RTKN2: variants seen among roughly 807,000 people sequenced by gnomAD.
RTKN2 encodes the protein rhotekin 2, also known as rhotekin-2.
A neutral mutation model predicts 71.5 loss-of-function variants in RTKN2; 69 were observed. The observed-to-expected ratio is 0.96, with a 90% confidence interval of 0.79 to 1.18. The LOEUF is 1.18. Among genes scored for constraint, RTKN2 ranks in the 50% most tolerant of loss-of-function variants. The pLI, the probability that RTKN2 is intolerant of heterozygous loss-of-function variation, is 0.00. For missense variants in RTKN2, 724 were observed against 719.7 expected, an observed-to-expected ratio of 1.01 and a Z score of -0.07; for synonymous variants, 236 against 236.5, an observed-to-expected ratio of 1.00 and a Z score of 0.02.
intron 6 of RTKN2, among the ~76,000 whole-genome samples, chr10:62,223,540 T>C (rs944073535): frequency 6.6e-6 from 1 of 152,172 alleles, no homozygotes; most frequent in African/African-American, 2.4e-5. Context: ...CTATTTCTCT[T>C]TTGTTGACAA....
chr10:62,227,150 C>T (rs558620067), intron 6 of RTKN2, among the ~76,000 whole-genome samples: 11 of 152,108 alleles, frequency 7.2e-5, no homozygotes, highest in African/African-American at 2.7e-4. Context: ...CAACAATCAA[C>T]GAAATAGGGG....
intron 11 of RTKN2, among the ~76,000 whole-genome samples, 190 bp downstream of exon 11, chr10:62,199,564 C>T (rs1019684351): frequency 2.6e-5 from 4 of 152,126 alleles, no homozygotes; most frequent in African/African-American, 4.8e-5. Flanking sequence ...TATGAAAAAA[C>T]GTGTATTCAT....
chr10:62,193,224 A>G lies in RTKN2; in HGVS notation c.*4684T>C, dbSNP rs2132769826. ...TTTCAACAAAACAATTTATTTTGAT[A>G]TCTTGAACCATCTGACATAATTATG... On this transcript the variant is annotated 3_prime_UTR_variant, in exon 12 of 12. Transcript: ENST00000373789. 1 of 907,362 alleles carries G rather than the reference A, an allele frequency of 1.1e-6. No individual in the cohort carries two copies. Among genetic ancestry groups the G allele is most frequent in the Middle Eastern group, 5.7e-4 (1 of 1,762 alleles). 56.2% of individuals were successfully genotyped at this position (907,362 alleles called of 1,614,324 possible). A position where few individuals can be genotyped will look rare whatever the true frequency, so the allele number is the denominator to read the frequency against.
intron 2 of RTKN2, among the ~76,000 whole-genome samples, chr10:62,259,454 T>C (rs1487240385): frequency 6.6e-6 from 1 of 152,228 alleles, no homozygotes; most frequent in East Asian, 1.9e-4. Flanking sequence ...TCTTGCTTCC[T>C]CCTTCCTTTT....
At chr10:62,249,825 G>A in intron 2 of RTKN2, among the ~76,000 whole-genome samples, 1 of 152,096 alleles carries the variant, frequency 6.6e-6, no homozygotes, top group African/African-American at 2.4e-5. Context: ...TACTTTCTGA[G>A]TATTTATATT....
At chr10:62,203,589 C>T (rs913185373) in intron 10 of RTKN2, among the ~76,000 whole-genome samples, 13 of 152,220 alleles carry the variant, frequency 8.5e-5, no homozygotes, top group Admixed American at 3.3e-4. Flanking sequence ...AGGTGATCCG[C>T]CTGCCTCGGC....
At chr10:62,258,962 G>A (rs1404782808) in intron 2 of RTKN2, among the ~76,000 whole-genome samples, 1 of 152,080 alleles carries the variant, frequency 6.6e-6, no homozygotes, top group African/African-American at 2.4e-5. Context: ...CTTTAAAAGA[G>A]GTTTATATCT....
At chr10:62,235,767 A>G (rs1842244869) in intron 6 of RTKN2, among the ~76,000 whole-genome samples, 1 of 151,988 alleles carries the variant, frequency 6.6e-6, no homozygotes, top group Admixed American at 6.6e-5. Context: ...ATGTATATAC[A>G]AATATTCCAA....
chr10:62,211,909 C>T (rs1395825952), intron 9 of RTKN2, among the ~76,000 whole-genome samples: 2 of 152,038 alleles, frequency 1.3e-5, no homozygotes, highest in Admixed American at 1.3e-4. Flanking sequence ...CCTGATCCGC[C>T]CGTGCTGACC....
At chr10:62,184,403 A>T (rs556268130) in intron 8 of RTKN2, 5 of 1,482,560 alleles carry the variant, frequency 3.4e-6, no homozygotes, top group Non-Finnish European at 4.6e-6. Context: ...AAACAAAAAA[A>T]ATCACCTTTA....
At chr10:62,218,590 T>A (rs1040118692) in intron 7 of RTKN2, among the ~76,000 whole-genome samples, 5 of 139,372 alleles carry the variant, frequency 3.6e-5, no homozygotes, top group Non-Finnish European at 7.8e-5. Flanking sequence ...ATTTTAATTA[T>A]TCAATGAAAG....
At chr10:62,249,490 T>G (rs1056104315) in intron 2 of RTKN2, among the ~76,000 whole-genome samples, 1 of 152,072 alleles carries the variant, frequency 6.6e-6, no homozygotes, top group South Asian at 2.1e-4. Context: ...GCGTCTACTT[T>G]GTTCAGTGCT....
intron 2 of RTKN2, among the ~76,000 whole-genome samples, chr10:62,261,635 A>T (rs919799719): frequency 6.6e-6 from 1 of 152,172 alleles, no homozygotes; most frequent in Non-Finnish European, 1.5e-5. Context: ...TGGGTGACAG[A>T]GCGAGACTCT....
At chr10:62,217,669 A>G (rs908521183) in intron 8 of RTKN2, among the ~76,000 whole-genome samples, 1 of 152,226 alleles carries the variant, frequency 6.6e-6, no homozygotes, top group Non-Finnish European at 1.5e-5. Context: ...GAAAATGTCA[A>G]CTACCCTTTA....
downstream of RTKN2, among the ~76,000 whole-genome samples, chr10:62,189,076 T>TTA (rs967325267): frequency 1.3e-5 from 2 of 149,334 alleles, no homozygotes; most frequent in East Asian, 2.0e-4. Flanking sequence ...TTTTTTTTTT[T>TTA]AACTACACTT....
intron 1 of RTKN2, among the ~76,000 whole-genome samples, chr10:62,264,614 C>A (rs1842836264): frequency 6.6e-6 from 1 of 152,186 alleles, no homozygotes; most frequent in Admixed American, 6.5e-5. Flanking sequence ...GGATGAATAG[C>A]TTTACCCCAC....
intron 1 of RTKN2, among the ~76,000 whole-genome samples, chr10:62,267,044 C>T (rs927885680): frequency 6.6e-6 from 1 of 152,172 alleles, no homozygotes; most frequent in Non-Finnish European, 1.5e-5. Context: ...ATTCATGTAT[C>T]AAAGGAAATA....
In RTKN2 at chr10:62,212,370, A is replaced by AAAAT. The variant is rs1010292658; in HGVS notation, c.1020+4744_1020+4747dup. On this transcript the variant is annotated intron_variant, in intron 9 of 11. Coordinates refer to ENST00000373789, the MANE Select transcript of RTKN2 (RefSeq NM_145307.4). ...GGCAACAGAGTAAGACTCTGTCTCAAAAATAAATAAATAAATAAATAAATA... is the reference window on the plus strand; with the variant it reads ...GGCAACAGAGTAAGACTCTGTCTCAAAAATAAATAAATAAATAAATAAATAAATA... 1.5e-3 allele frequency among the ~76,000 whole-genome samples: 232 copies of AAAAT among 151,478 alleles called. 1 individual carries two copies. Among genetic ancestry groups the AAAAT allele is most frequent in the African/African-American group, 3.9e-3 (163 of 41,292 alleles).
At chr10:62,259,275 T>G (rs1233360554) in intron 2 of RTKN2, 1 of 299,902 alleles carries the variant, frequency 3.3e-6, no homozygotes, top group Admixed American at 3.6e-5. Flanking sequence ...CCTCTTTTTC[T>G]TAATACTCAG....
Sources: gnomAD v4.1 joint callset for allele counts (sites outside exome capture counted in the v4.1 genomes callset) on GRCh38, gnomAD v4.1.1 for gene constraint, MANE v1.5 for transcripts, NCBI Gene and HGNC (gene_info 2026-07-23, HGNC 2026-07-21) for gene names.